Variants in CSMD1 observed in about 807,000 individuals in gnomAD.
CSMD1 encodes CUB and Sushi multiple domains 1.
A neutral mutation model predicts 417.5 loss-of-function variants in CSMD1; 213 were observed. That is an observed-to-expected ratio of 0.51 (90% CI 0.46 to 0.57). The LOEUF (loss-of-function observed/expected upper bound fraction) is 0.57. Among genes scored for constraint, CSMD1 ranks in the 20% least tolerant of loss-of-function variants. The pLI is 0.00. For synonymous variants in CSMD1, 2,862 were observed against 1,736.8 expected (o/e 1.65, Z -16.11); for missense variants, 6,923 against 4,529.7 (o/e 1.53, Z -15.17).
Position 4,149,704 on chromosome 8 carries a change from G to A in CSMD1, c.416-117605C>T, listed in dbSNP as rs963276469. On this transcript the variant is annotated intron_variant, in intron 3 of 69. Transcript: ENST00000635120. ...GGAATAAACAATGCTGAGTGATGCTGAGCTCCAACAGAAACATTTTCCAAA... is the reference window on the plus strand; with the variant it reads ...GGAATAAACAATGCTGAGTGATGCTAAGCTCCAACAGAAACATTTTCCAAA... Among the ~76,000 whole-genome samples, 5 of 152,308 alleles carry A rather than the reference G, an allele frequency of 3.3e-5. No homozygotes were observed. The South Asian group carries it at 8.3e-4, about 25-fold the overall frequency.
chr8:4,450,397 G>A (rs1332512732), intron 2 of CSMD1, among the ~76,000 whole-genome samples: 1 of 152,154 alleles, frequency 6.6e-6, no homozygotes, highest in Non-Finnish European at 1.5e-5. Flanking sequence ...GAAGGCTGAG[G>A]CAGGCGGATC....
chr8:4,196,689 A>C (rs1799358886), intron 3 of CSMD1, among the ~76,000 whole-genome samples: 2 of 152,170 alleles, frequency 1.3e-5, no homozygotes, highest in Non-Finnish European at 2.9e-5. Flanking sequence ...ACTGCTTTTA[A>C]GAGTTCACAT....
intron 5 of CSMD1, among the ~76,000 whole-genome samples, chr8:3,982,380 G>T (rs1345023242): frequency 6.6e-6 from 1 of 151,500 alleles, no homozygotes; most frequent in East Asian, 1.9e-4. Context: ...AAACCTCCAT[G>T]GTTGTTAGGA....
intron 12 of CSMD1, among the ~76,000 whole-genome samples, chr8:3,457,462 T>G (rs1482770475): frequency 6.6e-6 from 1 of 152,200 alleles, no homozygotes; most frequent in Non-Finnish European, 1.5e-5. Context: ...CATGCTCACA[T>G]GTTAAAGCAA....
chr8:3,883,621 A>T, intron 5 of CSMD1, among the ~76,000 whole-genome samples: 1 of 152,286 alleles, frequency 6.6e-6, no homozygotes, highest in Non-Finnish European at 1.5e-5. Flanking sequence ...ATCAATTAAT[A>T]TCAATTATTA....
chr8:3,945,876 G>A (rs760336330), intron 5 of CSMD1, among the ~76,000 whole-genome samples: 2 of 152,080 alleles, frequency 1.3e-5, no homozygotes, highest in Admixed American at 1.3e-4. Flanking sequence ...CAGAAATGCT[G>A]TAGACATAAG....
At chr8:3,370,494 A>G (rs1809877707) in intron 18 of CSMD1, among the ~76,000 whole-genome samples, 1 of 152,152 alleles carries the variant, frequency 6.6e-6, no homozygotes, top group Non-Finnish European at 1.5e-5. Context: ...CTCCACTGTG[A>G]TGGTGAAGGT....
At chr8:4,036,183 T>A (rs554367673) in intron 3 of CSMD1, among the ~76,000 whole-genome samples, 1 of 152,298 alleles carries the variant, frequency 6.6e-6, no homozygotes, top group South Asian at 2.1e-4. Context: ...TGCTCTGTGA[T>A]GTTTGCACAG....
intron 1 of CSMD1, among the ~76,000 whole-genome samples, chr8:4,957,094 T>C (rs1041263421): frequency 8.5e-5 from 13 of 152,184 alleles, no homozygotes; most frequent in African/African-American, 2.9e-4. Flanking sequence ...GAAGTATGAA[T>C]TTTAAAATAT....
chr8:4,744,705 T>C (rs1810839874), intron 1 of CSMD1, among the ~76,000 whole-genome samples: 1 of 152,202 alleles, frequency 6.6e-6, no homozygotes, highest in Non-Finnish European at 1.5e-5. Flanking sequence ...ATAATGCTTT[T>C]CTCAGGTCAT....
intron 5 of CSMD1, among the ~76,000 whole-genome samples, chr8:3,776,050 C>T (rs1798869915): frequency 6.6e-6 from 1 of 152,202 alleles, no homozygotes; most frequent in Admixed American, 6.5e-5. Flanking sequence ...GGAGCCACCT[C>T]AGAACCCATA....
intron 26 of CSMD1, among the ~76,000 whole-genome samples, chr8:3,247,887 C>T (rs1429123113): frequency 6.6e-6 from 1 of 152,154 alleles, no homozygotes; most frequent in Non-Finnish European, 1.5e-5. Context: ...CCATGGAATC[C>T]ATGCATTTTC....
rs188322148 is a variant in CSMD1 at position 3,558,105 on chromosome 8, T to C, written c.1344+16840A>G. On this transcript the variant is annotated intron_variant, in intron 10 of 69. Coordinates refer to ENST00000635120, the MANE Select transcript of CSMD1 (RefSeq NM_033225.6). Reference sequence around the variant, plus strand: ...TACCCCGTGTCGACTCCTCCAATGATGAATGGTGCCTCAATGGTACCCCGT... The same window carrying C: ...TACCCCGTGTCGACTCCTCCAATGACGAATGGTGCCTCAATGGTACCCCGT... Among the ~76,000 whole-genome samples, 1,204 of 150,040 alleles carry C rather than the reference T, an allele frequency of 8.0e-3. 11 individuals are homozygous for C. The highest frequency in any genetic ancestry group is 9.4e-3 in the Non-Finnish European group (630 of 67,362).
At chr8:4,507,231 C>A (rs576384107) in intron 2 of CSMD1, among the ~76,000 whole-genome samples, 1 of 152,140 alleles carries the variant, frequency 6.6e-6, no homozygotes, top group East Asian at 1.9e-4. Flanking sequence ...TAGTAGATAC[C>A]CATGCAAAAG....
chr8:3,257,188 G>C (rs1435588492), intron 26 of CSMD1, among the ~76,000 whole-genome samples: 1 of 152,114 alleles, frequency 6.6e-6, no homozygotes. Context: ...TGGGTTTGGT[G>C]GTGCATCCAT....
chr8:4,884,423 C>G (rs973412908), intron 1 of CSMD1, among the ~76,000 whole-genome samples: 1 of 151,892 alleles, frequency 6.6e-6, no homozygotes, highest in African/African-American at 2.4e-5. Flanking sequence ...GTTGCTTGTG[C>G]TTTTGCTTTT....
chr8:4,187,611 G>A (rs937918443), intron 3 of CSMD1, among the ~76,000 whole-genome samples: 3 of 146,504 alleles, frequency 2.0e-5, no homozygotes, highest in South Asian at 4.3e-4. Context: ...AGGATGTGGA[G>A]GTTGCAGTGA....
chr8:4,163,875 G>C (rs4333622), intron 3 of CSMD1, among the ~76,000 whole-genome samples: 58,755 of 151,884 alleles, frequency 0.39, 11,598 homozygotes, highest in Middle Eastern at 0.51. Flanking sequence ...GCCATGAAAA[G>C]AGAAACACTG....
At position 4,063,308 on chromosome 8, in the gene CSMD1, T is replaced by C. The variant is rs1042661802; in HGVS notation, c.416-31209A>G. On this transcript the variant is annotated intron_variant, in intron 3 of 69. Coordinates refer to ENST00000635120, the MANE Select transcript of CSMD1 (RefSeq NM_033225.6). ...ACCAAAAAAGAAAAATTAGTTACAA[T>C]GTAAAAAATAATTTAAAGATAAAAT... 6.6e-5 allele frequency among the ~76,000 whole-genome samples: 10 copies of C among 152,026 alleles called. No individual in the cohort carries two copies. In the South Asian group the frequency reaches 1.2e-3, roughly 19 times the overall value.
Sources: gnomAD v4.1 joint callset for allele counts (sites outside exome capture counted in the v4.1 genomes callset) on GRCh38, gnomAD v4.1.1 for gene constraint, MANE v1.5 for transcripts, NCBI Gene and HGNC (gene_info 2026-07-23, HGNC 2026-07-21) for gene names.